Variants in NTRK2 observed in about 807,000 individuals in gnomAD.
NTRK2 encodes the protein neurotrophic receptor tyrosine kinase 2.
Under a neutral mutation model 94.5 loss-of-function variants are expected in NTRK2, and 13 were observed. That is an observed-to-expected ratio of 0.14 (90% CI 0.09 to 0.22). NTRK2 has a LOEUF of 0.22. Ranked by LOEUF, NTRK2 falls within the 10% of genes least tolerant of loss-of-function variation. NTRK2 has a pLI of 1.00. For missense variants in NTRK2, 639 were observed against 1,071.2 expected, an observed-to-expected ratio of 0.60 and a Z score of 5.63; for synonymous variants, 372 against 407.4, an observed-to-expected ratio of 0.91 and a Z score of 1.05.
chr9:84,685,722 T>C (rs962183608), intron 2 of NTRK2, among the ~76,000 whole-genome samples: 1 of 152,184 alleles, frequency 6.6e-6, no homozygotes, highest in Non-Finnish European at 1.5e-5. Flanking sequence ...CCTTCTACCC[T>C]GGCTAACTCC....
intron 17 of NTRK2, among the ~76,000 whole-genome samples, chr9:84,979,475 A>G (rs1199093786): frequency 1.3e-5 from 2 of 152,228 alleles, no homozygotes; most frequent in African/African-American, 2.4e-5. Flanking sequence ...AAACTTGAAC[A>G]TATGAGGAGC....
At chr9:84,957,921 A>G (rs1188945152) in intron 17 of NTRK2, among the ~76,000 whole-genome samples, 1 of 152,228 alleles carries the variant, frequency 6.6e-6, no homozygotes, top group East Asian at 1.9e-4. Context: ...ACAAAAGAAT[A>G]AAGTACTGAT....
intron 12 of NTRK2, among the ~76,000 whole-genome samples, chr9:84,771,974 G>A (rs907094152): frequency 6.6e-6 from 1 of 152,202 alleles, no homozygotes; most frequent in African/African-American, 2.4e-5. Flanking sequence ...AGGCAAGATA[G>A]AGTAGCAGAA....
At chr9:84,707,993 T>C in intron 5 of NTRK2, 81 bp downstream of exon 5, 1 of 1,083,266 alleles carries the variant, frequency 9.2e-7, no homozygotes, top group African/African-American at 1.5e-5. Flanking sequence ...TAATGAGTGA[T>C]GTTGCAGATC....
chr9:84,702,891 T>C (rs2060820126), intron 4 of NTRK2, among the ~76,000 whole-genome samples: 1 of 152,208 alleles, frequency 6.6e-6, no homozygotes, highest in African/African-American at 2.4e-5. Flanking sequence ...CTGTCATGGT[T>C]TGATAAAGGT....
At chr9:84,936,817 G>T (rs1460645816) in intron 15 of NTRK2, among the ~76,000 whole-genome samples, 1 of 152,038 alleles carries the variant, frequency 6.6e-6, no homozygotes, top group African/African-American at 2.4e-5. Flanking sequence ...TAACTTCATG[G>T]TCACAAACTT....
chr9:84,834,452 T>C (rs60337135), intron 12 of NTRK2, among the ~76,000 whole-genome samples: 19,866 of 152,024 alleles, frequency 0.13, 1,623 homozygotes, highest in African/African-American at 0.23. Flanking sequence ...AAAGTGTTAG[T>C]CCCCCTTTCT....
chr9:84,902,456 G>A (rs1008037327), intron 14 of NTRK2, among the ~76,000 whole-genome samples: 6 of 152,094 alleles, frequency 3.9e-5, no homozygotes, highest in Non-Finnish European at 8.8e-5. Flanking sequence ...CTTTAGAATC[G>A]GGTGCAGGAT....
chr9:84,709,707 G>A (rs1778934), intron 5 of NTRK2, among the ~76,000 whole-genome samples: 76,286 of 151,998 alleles, frequency 0.5, 19,416 homozygotes, highest in East Asian at 0.59. Flanking sequence ...ATTTTAAATG[G>A]CCTCATTTAA....
chr9:85,010,902 G>A (rs918291450), intron 17 of NTRK2, among the ~76,000 whole-genome samples: 2 of 152,152 alleles, frequency 1.3e-5, no homozygotes, highest in African/African-American at 4.8e-5. Flanking sequence ...TACAAGCAGG[G>A]TGCCTTCCCT....
At chr9:84,723,147 C>T (rs548559909) in intron 6 of NTRK2, among the ~76,000 whole-genome samples, 34 of 152,238 alleles carry the variant, frequency 2.2e-4, no homozygotes, top group African/African-American at 7.2e-4. Context: ...GTGCATCTCA[C>T]CCTTTTGTGT....
At chr9:84,813,656 C>T in intron 12 of NTRK2, 1 of 1,066,152 alleles carries the variant, frequency 9.4e-7, no homozygotes, top group African/African-American at 1.6e-5. Flanking sequence ...GCTGGGAATT[C>T]TGCACCAATG....
intron 17 of NTRK2, among the ~76,000 whole-genome samples, chr9:84,984,425 T>C (rs1828036438): frequency 6.6e-6 from 1 of 152,054 alleles, no homozygotes; most frequent in African/African-American, 2.4e-5. Context: ...TTAGCTGAGA[T>C]CACACCATTG....
rs137974192 is a variant in NTRK2 at position 84,920,760 on chromosome 9, C to T, written c.1634-13402C>T. 4.8e-3 allele frequency among the ~76,000 whole-genome samples: 734 copies of T among 152,292 alleles called. 4 individuals carry two copies. Among genetic ancestry groups the T allele is most frequent in the South Asian group, 0.027 (130 of 4,832 alleles). ...GGTAAGAGGCCAACTGATGCCCTCACCTCACCAATCTAAAGGGATTTCTTC... is the reference window on the plus strand; with the variant it reads ...GGTAAGAGGCCAACTGATGCCCTCATCTCACCAATCTAAAGGGATTTCTTC... On this transcript the variant is annotated intron_variant, in intron 14 of 18. Transcript: ENST00000277120.
intron 12 of NTRK2, among the ~76,000 whole-genome samples, chr9:84,763,736 C>T (rs548470277): frequency 6.6e-6 from 1 of 152,264 alleles, no homozygotes; most frequent in African/African-American, 2.4e-5. Flanking sequence ...ACAGATATTA[C>T]CTAGACTATC....
intron 14 of NTRK2, among the ~76,000 whole-genome samples, chr9:84,923,334 C>T (rs888353307): frequency 8.5e-5 from 13 of 152,168 alleles, no homozygotes; most frequent in Non-Finnish European, 1.6e-4. Flanking sequence ...CTTTGCTTGT[C>T]ACTGTTATCG....
chr9:84,797,568 TTA>T (rs1464057362), intron 12 of NTRK2, among the ~76,000 whole-genome samples: 5 of 85,874 alleles, frequency 5.8e-5, no homozygotes, highest in African/African-American at 1.8e-4. Flanking sequence ...ATACTATATA[TTA>T]TATATATTAT....
intron 17 of NTRK2, among the ~76,000 whole-genome samples, chr9:85,001,800 G>A (rs1331058958): frequency 6.6e-6 from 1 of 152,238 alleles, no homozygotes; most frequent in Non-Finnish European, 1.5e-5. Flanking sequence ...GTGAGATGCT[G>A]CGCTGGCCCC....
At chr9:84,863,604 C>T (rs2075432410) in intron 13 of NTRK2, among the ~76,000 whole-genome samples, 1 of 152,158 alleles carries the variant, frequency 6.6e-6, no homozygotes, top group South Asian at 2.1e-4. Flanking sequence ...ATTATGTAGA[C>T]ATTCATTGTC....
Sources: allele counts gnomAD v4.1 joint callset (sites outside exome capture counted in the v4.1 genomes callset), GRCh38; gene constraint gnomAD v4.1.1; transcripts MANE v1.5; gene names NCBI Gene and HGNC (gene_info 2026-07-23, HGNC 2026-07-21).